SVIL: variants seen among roughly 807,000 people sequenced by gnomAD.
The protein encoded by SVIL is archvillin.
Under a neutral mutation model 240.4 loss-of-function variants are expected in SVIL, and 101 were observed. The ratio of observed to expected loss-of-function variants is 0.42; its 90% CI spans 0.36 to 0.50. The LOEUF is 0.50. Ranked by LOEUF, SVIL falls within the 20% of genes least tolerant of loss-of-function variation. SVIL has a pLI of 0.01. For missense variants in SVIL, 2,512 were observed against 2,818.7 expected, an observed-to-expected ratio of 0.89 and a Z score of 2.46; for synonymous variants, 999 against 1,100.0, an observed-to-expected ratio of 0.91 and a Z score of 1.82.
At chr10:29,487,632 C>G (rs1947535038) in intron 23 of SVIL, 1 of 208,788 alleles carries the variant, frequency 4.8e-6, no homozygotes. Context: ...CGGGGCCTTT[C>G]TCTCCCCTGG....
rs7920367 is a variant in SVIL, at chr10:29,621,983, G to T, written c.-201+12437C>A. 3.6e-3 allele frequency among the ~76,000 whole-genome samples: 550 copies of T among 152,084 alleles called. 5 individuals carry two copies. The highest frequency in any genetic ancestry group is 0.012 in the African/African-American group (511 of 41,504). On this transcript the variant is annotated intron_variant, in intron 1 of 37. Coordinates refer to ENST00000355867, the MANE Select transcript of SVIL (RefSeq NM_021738.3). ...TTGGAAACACTGGCCGGGCGCGGTG[G>T]CTCACGCCTGTAATCCCAGCACTTT...
chr10:29,608,579 T>C (rs968076400), intron 1 of SVIL, among the ~76,000 whole-genome samples: 1 of 152,234 alleles, frequency 6.6e-6, no homozygotes, highest in Non-Finnish European at 1.5e-5. Flanking sequence ...CTGTTCCCAC[T>C]CTCTGGCCTC....
Position 29,484,979 on chromosome 10 carries a change from G to A in SVIL, c.4780-148C>T. 1 of 856,678 alleles carries A rather than the reference G, an allele frequency of 1.2e-6. No homozygotes were observed. Among genetic ancestry groups the A allele is most frequent in the Admixed American group, 3.2e-5 (1 of 31,176 alleles). 53.1% of individuals were successfully genotyped at this position (856,678 alleles called of 1,614,324 possible). On this transcript the variant is annotated intron_variant, in intron 26 of 37. Coordinates refer to ENST00000355867, the MANE Select transcript of SVIL (RefSeq NM_021738.3). The surrounding 1 kb of genome is among the most constrained non-coding windows in gnomAD (Gnocchi z 4.7). ...ACCAACACAGACACAAAAAGGCCAGGAGATCTCAGCTGGCACTGCCCCACC... is the reference window on the plus strand; with the variant it reads ...ACCAACACAGACACAAAAAGGCCAGAAGATCTCAGCTGGCACTGCCCCACC...
At chr10:29,517,645 A>G (rs1371401370) in intron 16 of SVIL, among the ~76,000 whole-genome samples, 7 of 152,136 alleles carry the variant, frequency 4.6e-5, no homozygotes, top group Admixed American at 1.3e-4. Context: ...CAGGCGGGAA[A>G]CACAGGAGCC....
chr10:29,690,936 G>A (rs896633502), intron 1 of SVIL, among the ~76,000 whole-genome samples: 7 of 152,136 alleles, frequency 4.6e-5, no homozygotes, highest in Admixed American at 6.6e-5. Context: ...TTTATATGAA[G>A]ATAGTTAATA....
At chr10:29,668,062 C>A (rs1382464600) in intron 2 of SVIL, among the ~76,000 whole-genome samples, 1 of 152,082 alleles carries the variant, frequency 6.6e-6, no homozygotes, top group Non-Finnish European at 1.5e-5. Flanking sequence ...CCAATTTATT[C>A]TCACCCTATA....
intron 16 of SVIL, among the ~76,000 whole-genome samples, chr10:29,516,941 TTCTC>T (rs1249570369): frequency 4.6e-5 from 7 of 152,208 alleles, no homozygotes; most frequent in Admixed American, 4.6e-4. Context: ...AAGATGTGTT[TTCTC>T]TCTCTTTTTC....
intron 32 of SVIL, among the ~76,000 whole-genome samples, chr10:29,469,506 C>T (rs182214068): frequency 6.6e-6 from 1 of 152,320 alleles, no homozygotes; most frequent in East Asian, 1.9e-4. Context: ...AATGCCTGGG[C>T]GACACTGGGC....
At chr10:29,691,003 G>A (rs1028741285) in intron 1 of SVIL, among the ~76,000 whole-genome samples, 1 of 152,044 alleles carries the variant, frequency 6.6e-6, no homozygotes, top group African/African-American at 2.4e-5. Context: ...ATCATAAAAC[G>A]CAAAGCTTCA....
chr10:29,678,032 T>C (rs1045375219), intron 2 of SVIL, among the ~76,000 whole-genome samples: 1 of 152,064 alleles, frequency 6.6e-6, no homozygotes, highest in African/African-American at 2.4e-5. Flanking sequence ...GAAGCCAGGG[T>C]CTACCTTATC....
At chr10:29,503,734 T>C (rs1200411092) in intron 17 of SVIL, among the ~76,000 whole-genome samples, 1 of 152,240 alleles carries the variant, frequency 6.6e-6, no homozygotes, top group Non-Finnish European at 1.5e-5. Context: ...TATTCCATGT[T>C]CATGGATAAG....
chr10:29,572,297 C>A (rs1389849873), intron 1 of SVIL, among the ~76,000 whole-genome samples: 7 of 151,898 alleles, frequency 4.6e-5, no homozygotes, highest in Non-Finnish European at 7.4e-5. Context: ...TCAGGAAAAA[C>A]TATGGCAAAT....
chr10:29,503,432 C>T (rs1056374592), intron 17 of SVIL, among the ~76,000 whole-genome samples: 1 of 152,194 alleles, frequency 6.6e-6, no homozygotes, highest in African/African-American at 2.4e-5. Context: ...GACACAGAGA[C>T]AAACAGTCCA....
chr10:29,576,544 T>G (rs1419990105), intron 1 of SVIL, among the ~76,000 whole-genome samples: 1 of 152,244 alleles, frequency 6.6e-6, no homozygotes, highest in Non-Finnish European at 1.5e-5. Flanking sequence ...CATCATTTAT[T>G]AAATTAAATA....
chr10:29,461,013 T>G (rs760261177), intron 36 of SVIL, among the ~76,000 whole-genome samples: 3 of 152,144 alleles, frequency 2.0e-5, no homozygotes, highest in African/African-American at 4.8e-5. Context: ...CCTCCCTAAT[T>G]CCTGTTTCCC....
At chr10:29,572,251 A>G (rs1564659237) in intron 1 of SVIL, among the ~76,000 whole-genome samples, 1 of 152,126 alleles carries the variant, frequency 6.6e-6, no homozygotes, top group Non-Finnish European at 1.5e-5. Context: ...CATTTTTGCC[A>G]TTTTTCTCTA....
In SVIL at chr10:29,521,228, G is replaced by GAA. The variant is rs759415423; in HGVS notation, c.3389+1180_3389+1181dup. Among the ~76,000 whole-genome samples the GAA allele has an allele frequency of 4.0e-3, 252 of 63,754 alleles. 2 individuals carry two copies. The highest frequency in any genetic ancestry group is 0.01 in the African/African-American group (218 of 21,008). The allele number at this position is 63,754 out of a possible 152,430, so 41.8% of individuals were successfully genotyped here. On this transcript the variant is annotated intron_variant, in intron 16 of 37. Coordinates refer to ENST00000355867, the MANE Select transcript of SVIL (RefSeq NM_021738.3). ...ACAAAGCAAGACTTAGTCTCAAAAA[G>GAA]AAAAAAAAAAAAAAAAGGAAAGAAG...
intron 1 of SVIL, among the ~76,000 whole-genome samples, chr10:29,589,792 G>T (rs1274209797): frequency 6.6e-6 from 1 of 152,162 alleles, no homozygotes; most frequent in Non-Finnish European, 1.5e-5. Flanking sequence ...ACTGCAAACT[G>T]AAGATAGTAA....
intron 1 of SVIL, among the ~76,000 whole-genome samples, chr10:29,591,812 AC>A (rs1956401630): frequency 6.6e-6 from 1 of 152,234 alleles, no homozygotes; most frequent in Non-Finnish European, 1.5e-5. Flanking sequence ...ATCTTAGCAC[AC>A]GTGGGGAGAT....
Sources: gnomAD v4.1 joint callset for allele counts (sites outside exome capture counted in the v4.1 genomes callset) on GRCh38, gnomAD v4.1.1 for gene constraint, Gnocchi (gnomAD v3.1) non-coding constraint, MANE v1.5 for transcripts, NCBI Gene and HGNC (gene_info 2026-07-23, HGNC 2026-07-21) for gene names.